Variants in TTC39B observed in about 807,000 individuals in gnomAD.
The protein encoded by TTC39B is tetratricopeptide repeat domain 39B.
In TTC39B, 92 loss-of-function variants were observed where a neutral mutation model predicts 96.6. The ratio of observed to expected loss-of-function variants is 0.95; its 90% CI spans 0.80 to 1.13. The LOEUF (loss-of-function observed/expected upper bound fraction) is 1.13. Ranked by LOEUF, TTC39B falls within the 50% of genes most tolerant of loss-of-function variation. The pLI, the probability that TTC39B is intolerant of heterozygous loss-of-function variation, is 0.00. For synonymous variants in TTC39B, 367 were observed against 299.4 expected, an observed-to-expected ratio of 1.23 and a Z score of -2.33; for missense variants, 955 against 809.3, an observed-to-expected ratio of 1.18 and a Z score of -2.18.
exon 20 of TTC39B, chr9:15,172,024 C>T (rs187973471): frequency 6.2e-7 from 1 of 1,611,444 alleles, no homozygotes; most frequent in Admixed American, 1.7e-5. Flanking sequence ...TCTGATCAAT[C>T]TGAGGAAGGT....
intron 8 of TTC39B, among the ~76,000 whole-genome samples, chr9:15,193,337 T>G (rs1818968813): frequency 6.6e-6 from 1 of 152,212 alleles, no homozygotes; most frequent in South Asian, 2.1e-4. Context: ...GAAATACAAA[T>G]TAAAACAATG....
exon 20 of TTC39B, chr9:15,170,763 C>T (rs1337716627): frequency 6.6e-6 from 1 of 152,168 alleles, no homozygotes; most frequent in East Asian, 1.9e-4. Flanking sequence ...TGTCTTTTCT[C>T]ACTCTGGATG....
chr9:15,304,523 G>C (rs531740430), intron 1 of TTC39B, among the ~76,000 whole-genome samples: 40 of 152,212 alleles, frequency 2.6e-4, no homozygotes, highest in African/African-American at 9.4e-4. Flanking sequence ...ATTTAGCCAA[G>C]AAAACCTCCA....
chr9:15,220,279 G>C (rs1199764586), intron 3 of TTC39B, among the ~76,000 whole-genome samples: 2 of 152,172 alleles, frequency 1.3e-5, no homozygotes, highest in Admixed American at 1.3e-4. Context: ...CAGCTGTGTG[G>C]AGTCCAGAAT....
chr9:15,249,603 A>G (rs766038024), intron 2 of TTC39B: 6 of 162,618 alleles, frequency 3.7e-5, no homozygotes, highest in Non-Finnish European at 6.7e-5. Context: ...ACCTTGCAGC[A>G]GCAATAAACC....
At chr9:15,199,219 G>A (rs1405091321) in intron 8 of TTC39B, among the ~76,000 whole-genome samples, 2 of 152,162 alleles carry the variant, frequency 1.3e-5, no homozygotes, top group Admixed American at 6.5e-5. Flanking sequence ...GTTCTACTGG[G>A]CAGTGCTGCT....
chr9:15,253,553 G>A (rs1822641792), intron 2 of TTC39B, among the ~76,000 whole-genome samples: 1 of 152,214 alleles, frequency 6.6e-6, no homozygotes, highest in Admixed American at 6.5e-5. Context: ...CCTGTATTAT[G>A]TGAAAACACC....
rs541973957 is a variant in TTC39B, at chr9:15,199,731, T to C, written c.824+130A>G. 39 of 197,034 alleles carry C rather than the reference T, an allele frequency of 2.0e-4. No individual in the cohort carries two copies. The Admixed American group carries it at 3.8e-3, about 19-fold the overall frequency. 12.2% of individuals were successfully genotyped at this position (197,034 alleles called of 1,614,324 possible). Reference sequence around the variant, plus strand: ...ACCTGGGTGACAGAGTGAGACTCCGTCTCAAAAAAAAAAAAAAAAAAAAAA... The same window carrying C: ...ACCTGGGTGACAGAGTGAGACTCCGCCTCAAAAAAAAAAAAAAAAAAAAAA... On this transcript the variant is annotated intron_variant, in intron 8 of 19. Transcript: ENST00000512701.
chr9:15,244,854 C>A (rs1237000189), intron 2 of TTC39B, among the ~76,000 whole-genome samples: 2 of 152,154 alleles, frequency 1.3e-5, no homozygotes, highest in Non-Finnish European at 2.9e-5. Context: ...TAAAATATCA[C>A]CACCTAAAAC....
chr9:15,256,200 CCT>C (rs1822745524), intron 2 of TTC39B, among the ~76,000 whole-genome samples: 1 of 151,642 alleles, frequency 6.6e-6, no homozygotes. Context: ...TTTTCTTTCC[CCT>C]CTTTCCACTA....
chr9:15,233,191 G>A (rs1183678300), intron 2 of TTC39B, among the ~76,000 whole-genome samples: 1 of 152,164 alleles, frequency 6.6e-6, no homozygotes, highest in Non-Finnish European at 1.5e-5. Context: ...CCACGCGACG[G>A]CTAGGTCCTC....
At chr9:15,252,754 G>A (rs1324022216) in intron 2 of TTC39B, among the ~76,000 whole-genome samples, 2 of 152,176 alleles carry the variant, frequency 1.3e-5, no homozygotes, top group Non-Finnish European at 2.9e-5. Flanking sequence ...ACAAATGTAC[G>A]ATACTAATGT....
At chr9:15,250,859 T>C (rs1822502861) in intron 2 of TTC39B, among the ~76,000 whole-genome samples, 1 of 152,328 alleles carries the variant, frequency 6.6e-6, no homozygotes, top group South Asian at 2.1e-4. Flanking sequence ...CATGCTAGAA[T>C]TGAAACGTTT....
chr9:15,191,176 A>T lies in TTC39B; in HGVS notation c.996+14T>A, dbSNP rs781741748. On this transcript the variant is annotated intron_variant, in intron 10 of 19. Transcript: ENST00000512701. Reference sequence around the variant, plus strand: ...ATCTTCCCTGTCAAAATTAACATAAAATTAAATTTGTACCCTATTCCCAGA... The same window carrying T: ...ATCTTCCCTGTCAAAATTAACATAATATTAAATTTGTACCCTATTCCCAGA... 1 of 1,566,816 alleles carries T rather than the reference A, an allele frequency of 6.4e-7. No individual in the cohort carries two copies. The highest frequency in any genetic ancestry group is 1.1e-5 in the South Asian group (1 of 89,260).
chr9:15,199,701 C>G (rs1287464315), intron 8 of TTC39B, among the ~76,000 whole-genome samples, 160 bp downstream of exon 8: 2 of 120,094 alleles, frequency 1.7e-5, no homozygotes, highest in African/African-American at 6.4e-5. Flanking sequence ...CGCCACTGCA[C>G]TCCAACCTGG....
At chr9:15,217,239 C>T (rs974882626) in intron 3 of TTC39B, among the ~76,000 whole-genome samples, 1 of 152,168 alleles carries the variant, frequency 6.6e-6, no homozygotes, top group Non-Finnish European at 1.5e-5. Context: ...CCGTTCCCTT[C>T]GAATATTAGG....
At chr9:15,286,501 G>T (rs2131593856) in intron 1 of TTC39B, among the ~76,000 whole-genome samples, 1 of 152,294 alleles carries the variant, frequency 6.6e-6, no homozygotes, top group East Asian at 1.9e-4. Context: ...TTCCACCTGT[G>T]ATGTTAATTT....
In TTC39B at chr9:15,188,969, G is replaced by A. The variant is rs1475081092; in HGVS notation, c.1233+605C>T. Among the ~76,000 whole-genome samples, 4 of 151,870 alleles carry A rather than the reference G, an allele frequency of 2.6e-5. No individual in the cohort carries two copies. In the South Asian group the frequency reaches 8.3e-4, roughly 32 times the overall value. The stretch of plus-strand genomic sequence containing the variant: ...GTATAGTATATCCATCCCATGAAAT[G>A]AAACCCAGCCATCAAAAAGAATAGG... On this transcript the variant is annotated intron_variant, in intron 13 of 19. Coordinates refer to ENST00000512701, the Ensembl canonical transcript of TTC39B.
chr9:15,200,074 T>G (rs537369163), intron 7 of TTC39B, 149 bp from the exon 8 acceptor site: 1 of 487,078 alleles, frequency 2.1e-6, no homozygotes, highest in East Asian at 3.6e-5. Context: ...ACACATACTC[T>G]TGCTTTACAT....
Sources: allele counts gnomAD v4.1 joint callset (sites outside exome capture counted in the v4.1 genomes callset), GRCh38; gene constraint gnomAD v4.1.1; transcripts MANE v1.5; gene names NCBI Gene and HGNC (gene_info 2026-07-23, HGNC 2026-07-21).